The following MYL4 variants were observed in gnomAD, a reference collection of about 807,000 sequenced individuals.
MYL4 encodes the protein myosin light chain 4.
In MYL4, 16 loss-of-function variants were observed where a neutral mutation model predicts 21.6. The observed-to-expected ratio is 0.74, with a 90% CI of 0.50 to 1.12. The LOEUF (loss-of-function observed/expected upper bound fraction) is 1.12. Among genes scored for constraint, MYL4 ranks in the 50% most tolerant of loss-of-function variants. MYL4 has a pLI of 0.00. For synonymous variants in MYL4, 82 were observed against 95.7 expected (o/e 0.86, Z 0.83); for missense variants, 249 against 252.9 (o/e 0.98, Z 0.11).
intron 1 of MYL4, among the ~76,000 whole-genome samples, chr17:47,201,902 A>T (rs1355700057): frequency 1.3e-5 from 2 of 152,162 alleles, no homozygotes; most frequent in Non-Finnish European, 2.9e-5. Flanking sequence ...TGTGTGTATT[A>T]TTAAAAATTT....
At chr17:47,217,847 A>G (rs2064826180) in intron 2 of MYL4, among the ~76,000 whole-genome samples, 1 of 152,116 alleles carries the variant, frequency 6.6e-6, no homozygotes, top group Non-Finnish European at 1.5e-5. Context: ...CAGCCTGACC[A>G]ACATGGAGAA....
upstream of MYL4, among the ~76,000 whole-genome samples, chr17:47,196,854 C>T (rs1567740928): frequency 6.6e-6 from 1 of 151,986 alleles, no homozygotes; most frequent in Non-Finnish European, 1.5e-5. Context: ...CAGTGCCCTG[C>T]ACAAATATTA....
intron 3 of MYL4, 38 bp from the exon 4 acceptor site, chr17:47,221,644 C>T (rs181129684): frequency 1.9e-6 from 3 of 1,589,286 alleles, no homozygotes; most frequent in South Asian, 1.2e-5. Context: ...AGCACCTGCT[C>T]ACATTGATTT....
intron 1 of MYL4, among the ~76,000 whole-genome samples, chr17:47,212,362 C>G (rs1426451542): frequency 2.6e-5 from 4 of 152,240 alleles, no homozygotes; most frequent in Non-Finnish European, 4.4e-5. Context: ...AAATGTTTTT[C>G]AGTGCCTACT....
intron 1 of MYL4, among the ~76,000 whole-genome samples, chr17:47,203,895 A>G (rs1036536489): frequency 1.3e-5 from 2 of 152,224 alleles, no homozygotes; most frequent in African/African-American, 4.8e-5. Context: ...TCTCCATGTC[A>G]GGGCTTCACC....
chr17:47,226,802 G>A (rs1023619747), downstream of MYL4, among the ~76,000 whole-genome samples: 10 of 152,112 alleles, frequency 6.6e-5, no homozygotes, highest in East Asian at 5.8e-4. Context: ...ATGCTGCTCC[G>A]GCTCAGCCAT....
chr17:47,218,774 G>A (rs958846232), intron 2 of MYL4, among the ~76,000 whole-genome samples: 10 of 152,280 alleles, frequency 6.6e-5, no homozygotes, highest in East Asian at 1.9e-4. Flanking sequence ...GTGACAGAGC[G>A]AGACTCTGTC....
At chr17:47,206,442 T>A (rs1349684662), upstream of MYL4, among the ~76,000 whole-genome samples, 1 of 152,112 alleles carries the variant, frequency 6.6e-6, no homozygotes, top group Non-Finnish European at 1.5e-5. Flanking sequence ...TACTAACTTG[T>A]TGTGTGTGCG....
At chr17:47,210,138 C>T (rs16941662) in intron 1 of MYL4, among the ~76,000 whole-genome samples, 16,500 of 152,180 alleles carry the variant, frequency 0.11, 1,324 homozygotes, top group East Asian at 0.47. Flanking sequence ...CTTACCCAGA[C>T]GGGCCTTTCC....
rs2064754311 is a variant in MYL4 at position 47,209,413 on chromosome 17, A to G, written c.-10A>G. The G allele has an allele frequency of 6.2e-7, 1 of 1,614,026 alleles. No homozygotes were observed. Among genetic ancestry groups the G allele is most frequent in the Admixed American group, 1.7e-5 (1 of 59,994 alleles). On this transcript the variant is annotated 5_prime_UTR_variant, in exon 1 of 7. Transcript: ENST00000393450. ...GATCACTCCTCTGCCAAAGATCCCAACAAGACAACATGGCTCCCAAGAAGC... is the reference window on the plus strand; with the variant it reads ...GATCACTCCTCTGCCAAAGATCCCAGCAAGACAACATGGCTCCCAAGAAGC...
At chr17:47,222,314 G>C (rs753135823) in intron 4 of MYL4, 66 bp from the exon 5 acceptor site, 1 of 1,454,346 alleles carries the variant, frequency 6.9e-7, no homozygotes, top group South Asian at 1.1e-5. Context: ...GGGGGTACTT[G>C]GGTATTGCCA....
chr17:47,222,306 G>T, intron 4 of MYL4, 74 bp from the exon 5 acceptor site: 1 of 1,375,220 alleles, frequency 7.3e-7, no homozygotes. Context: ...ACACTTAAGG[G>T]GGTACTTGGG....
At chr17:47,198,713 GC>G (rs1212196518), upstream of MYL4, among the ~76,000 whole-genome samples, 1 of 152,112 alleles carries the variant, frequency 6.6e-6, no homozygotes, top group Non-Finnish European at 1.5e-5. Flanking sequence ...TTGGCCAGGC[GC>G]AGTAGCTCAC....
upstream of MYL4, among the ~76,000 whole-genome samples, chr17:47,208,394 A>G (rs1294967281): frequency 6.6e-6 from 1 of 152,206 alleles, no homozygotes; most frequent in Non-Finnish European, 1.5e-5. Flanking sequence ...TGATTGCACC[A>G]CTGCACTGCA....
upstream of MYL4, among the ~76,000 whole-genome samples, chr17:47,208,100 T>G (rs953912322): frequency 1.1e-4 from 16 of 152,142 alleles, no homozygotes; most frequent in Admixed American, 9.2e-4. Flanking sequence ...AATCTCCCCA[T>G]GTGTAAAGTG....
At chr17:47,207,064 G>C (rs558435095), upstream of MYL4, among the ~76,000 whole-genome samples, 4 of 152,124 alleles carry the variant, frequency 2.6e-5, no homozygotes, top group Non-Finnish European at 4.4e-5. Flanking sequence ...TTTGGTAGCC[G>C]GCAAGGAAGA....
At chr17:47,226,820 A>G (rs951035480), downstream of MYL4, among the ~76,000 whole-genome samples, 1 of 152,128 alleles carries the variant, frequency 6.6e-6, no homozygotes, top group Non-Finnish European at 1.5e-5. Context: ...CATCACTTCC[A>G]CTGAGAGAAT....
the MYL4 span, among the ~76,000 whole-genome samples, chr17:47,191,443 C>T: frequency 2.0e-5 from 3 of 152,154 alleles, no homozygotes; most frequent in African/African-American, 7.2e-5. Flanking sequence ...TATCTGGACA[C>T]GTCTATTAAA....
In MYL4 at chr17:47,213,857, C is replaced by G. The variant is rs914796826; in HGVS notation, c.163+31C>G. 8 of 1,611,174 alleles carry G rather than the reference C, an allele frequency of 5.0e-6. No individual in the cohort carries two copies. In the Admixed American group the frequency reaches 8.3e-5, roughly 17 times the overall value. On this transcript the variant is annotated intron_variant, in intron 2 of 6. Coordinates refer to ENST00000393450, the MANE Select transcript of MYL4 (RefSeq NM_002476.2). ...TATGGACAACCCCACCTCTCCGTCT[C>G]TATTGCACTTTCCTGGAGGAGGAGG...
Sources: allele counts gnomAD v4.1 joint callset (sites outside exome capture counted in the v4.1 genomes callset), GRCh38; gene constraint gnomAD v4.1.1; transcripts MANE v1.5; gene names NCBI Gene and HGNC (gene_info 2026-07-23, HGNC 2026-07-21).